Variants in CLASRP observed in about 807,000 individuals in gnomAD.
The protein encoded by CLASRP is CLK4-associating serine/arginine rich protein.
A neutral mutation model predicts 99.9 loss-of-function variants in CLASRP; 52 were observed. That is an observed-to-expected ratio of 0.52 (90% CI 0.42 to 0.66). The LOEUF is 0.66. Among genes scored for constraint, CLASRP ranks in the 30% least tolerant of loss-of-function variants. The pLI is 0.00. For synonymous variants in CLASRP, 379 were observed against 373.0 expected, an observed-to-expected ratio of 1.02 and a Z score of -0.18; for missense variants, 848 against 999.2, an observed-to-expected ratio of 0.85 and a Z score of 2.04.
chr19:45,044,972 T>G lies in CLASRP; in HGVS notation c.99+4661T>G, dbSNP rs1216391229. 3.9e-5 allele frequency among the ~76,000 whole-genome samples: 6 copies of G among 152,336 alleles called. No homozygotes were observed. In the East Asian group the frequency reaches 1.2e-3, roughly 29 times the overall value. On this transcript the variant is annotated intron_variant, in intron 2 of 20. Coordinates refer to ENST00000221455, the MANE Select transcript of CLASRP (RefSeq NM_007056.3). ...AGGATGTCACATGGACAATCAGCTT[T>G]GGCTCTAACAAACCTAGAGCATCCG... is the stretch of plus-strand genomic sequence containing the variant.
Position 45,067,494 on chromosome 19 carries a change from A to G in CLASRP, c.1567A>G (p.Ser523Gly). The change falls in exon 14 of 21, where the codon AGC becomes GGC. Residue 523 changes from serine (S) to glycine (G), a missense_variant. Transcript: ENST00000221455. The surrounding 1 kb of genome is among the most constrained non-coding windows in gnomAD (Gnocchi z 4.9). ...TAGCCCCAGCCCCAGCCAGAGCCGC[A>G]GCCGCAGCCGCAGCCGCAGCCAGAG... is the stretch of plus-strand genomic sequence containing the variant. ...SHSPSPSQSR[S>G]RSRSRSQSPS... is the part of the protein sequence containing the mutation. The G allele has an allele frequency of 1.3e-6, 2 of 1,578,706 alleles. No individual in the cohort carries two copies. The highest frequency in any genetic ancestry group is 1.7e-6 in the Non-Finnish European group (2 of 1,167,994).
At chr19:45,053,309 A>G in intron 5 of CLASRP, 132 bp downstream of exon 5, 1 of 780,766 alleles carries the variant, frequency 1.3e-6, no homozygotes, top group East Asian at 2.7e-5. Flanking sequence ...CTCCAGCTCT[A>G]CGATAGACTC....
At chr19:45,044,442 G>A (rs954143561) in intron 2 of CLASRP, among the ~76,000 whole-genome samples, 6 of 152,128 alleles carry the variant, frequency 3.9e-5, no homozygotes, top group Admixed American at 3.9e-4. Flanking sequence ...GACAAAACTG[G>A]AGCACGGAGA....
intron 16 of CLASRP, 148 bp from the exon 17 acceptor site, chr19:45,068,918 G>T: frequency 1.4e-6 from 1 of 730,392 alleles, no homozygotes; most frequent in African/African-American, 1.8e-5. Flanking sequence ...CGAACCCGGG[G>T]GGCGGAGCCT....
rs779715357 is a variant in CLASRP, at chr19:45,063,986, G to T, written c.906-26G>T. Reference sequence around the variant, plus strand: ...GAAGAGGCTCCGGGAGCCTGAGCTAGTGAGCCTCCTCCTCCCTACCCGCAG... The same window carrying T: ...GAAGAGGCTCCGGGAGCCTGAGCTATTGAGCCTCCTCCTCCCTACCCGCAG... On this transcript the variant is annotated intron_variant, in intron 11 of 20. Coordinates refer to ENST00000221455, the MANE Select transcript of CLASRP (RefSeq NM_007056.3). 4 of 1,583,922 alleles carry T rather than the reference G, an allele frequency of 2.5e-6. No homozygotes were observed. In the Admixed American group the frequency reaches 7.2e-5, roughly 29 times the overall value.
intron 2 of CLASRP, among the ~76,000 whole-genome samples, chr19:45,043,841 C>A (rs557134786): frequency 5.4e-4 from 82 of 152,208 alleles, no homozygotes; most frequent in African/African-American, 1.9e-3. Context: ...ATAGTTGAGG[C>A]CCCAGAAGTG....
At chr19:45,055,205 T>G (rs1379236667) in intron 5 of CLASRP, among the ~76,000 whole-genome samples, 1 of 152,164 alleles carries the variant, frequency 6.6e-6, no homozygotes, top group African/African-American at 2.4e-5. Flanking sequence ...ACCAAGGTGA[T>G]GTGACAGACA....
intron 5 of CLASRP, 47 bp downstream of exon 5, chr19:45,053,224 G>GC (rs1972059622): frequency 1.3e-6 from 2 of 1,590,452 alleles, no homozygotes; most frequent in Admixed American, 1.7e-5. Context: ...TGAGCCTGGA[G>GC]CCTGGAAGAC....
chr19:45,069,583 C>T (rs2122620146), intron 18 of CLASRP: 1 of 512,514 alleles, frequency 2.0e-6, no homozygotes, highest in African/African-American at 1.9e-5. Context: ...CCTGTCCCAG[C>T]CTCAGTTTGC....
At chr19:45,053,404 A>G (rs10416445) in intron 5 of CLASRP, among the ~76,000 whole-genome samples, 69,270 of 151,998 alleles carry the variant, frequency 0.46, 16,121 homozygotes, top group Non-Finnish European at 0.51. Flanking sequence ...TCACGTCCAT[A>G]TACCATGCCT....
In CLASRP at chr19:45,069,205, C is replaced by A. The variant is rs778847442; in HGVS notation, c.1831C>A (p.Arg611=). 28 of 1,613,990 alleles carry A rather than the reference C, an allele frequency of 1.7e-5. No individual in the cohort carries two copies. The African/African-American group carries it at 3.2e-4, about 18-fold the overall frequency. ...MIQQEHERQE[R]EDELRAMARK... is the part of the protein sequence containing the mutation. Reference sequence around the variant, plus strand: ...CTCATAGCCCTGTCTGCTGCAGGAGCGGGAAGACGAGCTTCGAGCCATGGC... The same window carrying A: ...CTCATAGCCCTGTCTGCTGCAGGAGAGGGAAGACGAGCTTCGAGCCATGGC... Residue 611 remains arginine, a synonymous_variant, in exon 18 of 21, where the codon CGG becomes AGG. Transcript: ENST00000221455.
intron 13 of CLASRP, among the ~76,000 whole-genome samples, chr19:45,066,988 C>T (rs1967101047): frequency 6.7e-6 from 1 of 150,074 alleles, no homozygotes; most frequent in Non-Finnish European, 1.5e-5. Context: ...ACTGTTGTGC[C>T]TGAGCTGGAC....
chr19:45,064,347 C>CGCT lies in CLASRP; in HGVS notation c.1127_1129dup (p.Arg376_Ser377insCys). ...CCCTCCGTGCCCCGCCTGCAGCCGC[C>CGCT]GCTCCTCCTCCTCCTCCTCCTCCTC... On this transcript the variant is annotated inframe_insertion, in exon 13 of 21. Transcript: ENST00000221455. 6.5e-7 allele frequency: 1 copy of CGCT among 1,528,810 alleles called. No individual in the cohort carries two copies. The highest frequency in any genetic ancestry group is 8.8e-7 in the Non-Finnish European group (1 of 1,142,112). The allele number at this position is 1,528,810 out of a possible 1,614,324, so 94.7% of individuals were successfully genotyped here.
chr19:45,046,056 A>C (rs1211402416), intron 2 of CLASRP, among the ~76,000 whole-genome samples: 2 of 152,168 alleles, frequency 1.3e-5, no homozygotes, highest in African/African-American at 2.4e-5. Context: ...AGGCCTGTAC[A>C]AGCGGCCTTT....
intron 2 of CLASRP, among the ~76,000 whole-genome samples, chr19:45,050,448 G>A (rs1385906906): frequency 1.3e-5 from 2 of 152,112 alleles, no homozygotes; most frequent in East Asian, 3.9e-4. Context: ...ACTTTGGGAG[G>A]CCAAGGCAGG....
At chr19:45,054,380 G>C (rs1338440167) in intron 5 of CLASRP, among the ~76,000 whole-genome samples, 2 of 152,222 alleles carry the variant, frequency 1.3e-5, no homozygotes, top group African/African-American at 2.4e-5. Flanking sequence ...CTCCCAAGTA[G>C]CTGGGATTAC....
intron 12 of CLASRP, 46 bp downstream of exon 12, chr19:45,064,273 G>A (rs1442375161): frequency 2.0e-6 from 3 of 1,527,860 alleles, no homozygotes; most frequent in Middle Eastern, 1.8e-4. Context: ...GTCACCATGG[G>A]GGGTACCCGG....
chr19:45,045,439 C>T (rs1466952768), intron 2 of CLASRP, among the ~76,000 whole-genome samples: 1 of 152,132 alleles, frequency 6.6e-6, no homozygotes, highest in African/African-American at 2.4e-5. Context: ...ATCTCTTGAA[C>T]CCAGGAGGTG....
intron 13 of CLASRP, among the ~76,000 whole-genome samples, chr19:45,066,542 G>C (rs1217743847): frequency 6.8e-6 from 1 of 146,140 alleles, no homozygotes; most frequent in East Asian, 2.1e-4. Context: ...AGAATTGCTT[G>C]AACCCAGGAG....
Sources: allele counts gnomAD v4.1 joint callset (sites outside exome capture counted in the v4.1 genomes callset), GRCh38; gene constraint gnomAD v4.1.1; non-coding constraint Gnocchi (gnomAD v3.1); transcripts MANE v1.5; gene names NCBI Gene and HGNC (gene_info 2026-07-23, HGNC 2026-07-21).